GAN: variants seen among roughly 807,000 people sequenced by gnomAD.
GAN encodes epididymis secretory sperm binding protein.
A neutral mutation model predicts 71.3 loss-of-function variants in GAN; 48 were observed. That is an observed-to-expected ratio of 0.67 (90% CI 0.53 to 0.86). GAN has a LOEUF of 0.86. GAN is among the 40% of genes least tolerant of loss of function. The pLI is 0.00. For missense variants in GAN, 928 were observed against 770.1 expected, an observed-to-expected ratio of 1.21 and a Z score of -2.43; for synonymous variants, 386 against 276.8, an observed-to-expected ratio of 1.39 and a Z score of -3.92.
At chr16:81,375,913 T>C (rs892194410) in intron 9 of GAN, among the ~76,000 whole-genome samples, 1 of 149,050 alleles carries the variant, frequency 6.7e-6, no homozygotes, top group East Asian at 2.0e-4. Flanking sequence ...GAGACTGCAG[T>C]GAGCTGTGAT....
At chr16:81,364,660 G>C (rs1910789353) in intron 7 of GAN, among the ~76,000 whole-genome samples, 1 of 152,132 alleles carries the variant, frequency 6.6e-6, no homozygotes, top group Non-Finnish European at 1.5e-5. Context: ...CTGCACTCCA[G>C]CCAAGGCAAC....
intron 8 of GAN, 96 bp downstream of exon 8, chr16:81,365,206 T>G: frequency 1.3e-6 from 2 of 1,560,384 alleles, no homozygotes; most frequent in Non-Finnish European, 8.8e-7. Flanking sequence ...TCTTTCAGAG[T>G]AACCTTTTCT....
chr16:81,380,232 A>G lies in GAN; in HGVS notation c.*2636A>G, dbSNP rs924208912. On this transcript the variant is annotated 3_prime_UTR_variant, in exon 11 of 11. Coordinates refer to ENST00000648994, the MANE Select transcript of GAN (RefSeq NM_022041.4). The stretch of plus-strand genomic sequence containing the variant: ...TTATGCCTTGAAACATCATTTCTTG[A>G]TAACTTTTTGATACTTCTTTCTTGA... 3.9e-5 allele frequency: 6 copies of G among 152,590 alleles called. No homozygotes were observed. 9.5% of individuals were successfully genotyped at this position (152,590 alleles called of 1,614,324 possible).
At chr16:81,359,071 G>A (rs908438615) in intron 5 of GAN, among the ~76,000 whole-genome samples, 27 of 152,190 alleles carry the variant, frequency 1.8e-4, no homozygotes, top group Admixed American at 1.6e-3. Flanking sequence ...TAGTATAGAA[G>A]TGGAGTCATT....
chr16:81,369,363 G>T (rs310028), intron 9 of GAN, among the ~76,000 whole-genome samples: 1 of 152,156 alleles, frequency 6.6e-6, no homozygotes, highest in Non-Finnish European at 1.5e-5. Flanking sequence ...ATGCCACCAT[G>T]AAAGAGTAGA....
At chr16:81,374,735 C>T (rs1417480931) in intron 9 of GAN, among the ~76,000 whole-genome samples, 2 of 152,210 alleles carry the variant, frequency 1.3e-5, no homozygotes, top group South Asian at 2.1e-4. Flanking sequence ...CTATCTGGCA[C>T]GACAGGATGC....
intron 5 of GAN, among the ~76,000 whole-genome samples, chr16:81,360,795 T>C (rs1002291698): frequency 2.0e-5 from 3 of 152,226 alleles, no homozygotes; most frequent in African/African-American, 7.2e-5. Flanking sequence ...TTGAAAAAAA[T>C]CATCTTTCTG....
chr16:81,383,232 G>A lies in GAN; in HGVS notation c.*5636G>A, dbSNP rs1162246616. ...TATAATTATTTAGTCAGAAATGACT[G>A]TTGCCCTCTCTTTTTTTTTTTTTTT... On this transcript the variant is annotated 3_prime_UTR_variant, in exon 11 of 11. Coordinates refer to ENST00000648994, the MANE Select transcript of GAN (RefSeq NM_022041.4). 1 of 135,574 alleles carries A rather than the reference G, an allele frequency of 7.4e-6. No homozygotes were observed. The highest frequency in any genetic ancestry group is 1.6e-5 in the Non-Finnish European group (1 of 63,552). 8.4% of individuals were successfully genotyped at this position (135,574 alleles called of 1,614,324 possible). A position where few individuals can be genotyped will look rare whatever the true frequency, so the allele number is the denominator to read the frequency against.
chr16:81,362,601 C>G lies in GAN; in HGVS notation c.1076C>G (p.Pro359Arg). 1 of 1,515,998 alleles carries G rather than the reference C, an allele frequency of 6.6e-7. No individual in the cohort carries two copies. Among genetic ancestry groups the G allele is most frequent in the Non-Finnish European group, 9.2e-7 (1 of 1,090,334 alleles). 93.9% of individuals were successfully genotyped at this position (1,515,998 alleles called of 1,614,324 possible). Residue 359 changes from proline to arginine, a missense_variant, in exon 6 of 11, where the codon CCT becomes CGT. By Grantham distance (103) the Pro-to-Arg change is moderately radical. Transcript: ENST00000648994. ...GCAAATACATGGACAGCATTGCCAC[C>G]TATGAACGAGGTAAAACACTAGTTG... ...PDANTWTALP[P>R]MNEARHNFGI...
At chr16:81,377,130 T>C (rs1904284134) in intron 9 of GAN, 89 bp from the exon 10 acceptor site, 9 of 841,364 alleles carry the variant, frequency 1.1e-5, no homozygotes, top group Admixed American at 1.7e-5. Flanking sequence ...ATACTGCTGA[T>C]GACTCACCAA....
chr16:81,358,003 A>G (rs1910548732), intron 5 of GAN, 72 bp downstream of exon 5: 1 of 1,264,008 alleles, frequency 7.9e-7, no homozygotes. Flanking sequence ...TTACAGAATG[A>G]CTCAGAGCCT....
chr16:81,363,907 C>T lies in GAN; in HGVS notation c.1200C>T (p.Thr400=), dbSNP rs751948548. Reference sequence around the variant, plus strand: ...AGTGTTACGATATTTATTCTAAAACCTGGACAAAGCAACCTGATTTGACCA... The same window carrying T: ...AGTGTTACGATATTTATTCTAAAACTTGGACAAAGCAACCTGATTTGACCA... The part of the protein sequence containing the change: ...SMECYDIYSK[T]WTKQPDLTMV... Residue 400 remains threonine, a synonymous_variant, in exon 7 of 11, where the codon ACC becomes ACT. Coordinates refer to ENST00000648994, the MANE Select transcript of GAN (RefSeq NM_022041.4). 1.9e-6 allele frequency: 3 copies of T among 1,613,462 alleles called. No individual in the cohort carries two copies. Among genetic ancestry groups the T allele is most frequent in the South Asian group, 2.2e-5 (2 of 91,060 alleles).
chr16:81,358,768 A>G (rs1168830506), intron 5 of GAN, among the ~76,000 whole-genome samples: 1 of 152,206 alleles, frequency 6.6e-6, no homozygotes, highest in Non-Finnish European at 1.5e-5. Flanking sequence ...AGGAGCTGAT[A>G]GAAAAGATAG....
At chr16:81,325,374 A>G (rs1909351219) in intron 1 of GAN, among the ~76,000 whole-genome samples, 1 of 152,204 alleles carries the variant, frequency 6.6e-6, no homozygotes, top group Non-Finnish European at 1.5e-5. Flanking sequence ...AGGGGACAGC[A>G]GGGCCATTGA....
At chr16:81,335,826 T>C (rs2150674928) in intron 1 of GAN, among the ~76,000 whole-genome samples, 1 of 149,582 alleles carries the variant, frequency 6.7e-6, no homozygotes, top group Non-Finnish European at 1.5e-5. Context: ...TTTTGGTGAG[T>C]AAAAACCGTA....
At chr16:81,372,644 T>C (rs1911073105) in intron 9 of GAN, among the ~76,000 whole-genome samples, 1 of 152,202 alleles carries the variant, frequency 6.6e-6, no homozygotes, top group Non-Finnish European at 1.5e-5. Flanking sequence ...CAAAACCTGG[T>C]AGATCATCTA....
chr16:81,315,310 G>A (rs781473926), intron 1 of GAN, 30 bp downstream of exon 1: 7 of 1,473,818 alleles, frequency 4.7e-6, no homozygotes, highest in Non-Finnish European at 6.3e-6. Flanking sequence ...GGGCGGGCGC[G>A]GCGGTGCTGC....
rs1166279894 is a variant in GAN at position 81,357,864 on chromosome 16, C to G, written c.906C>G (p.Asn302Lys). ...MRCMCPLYDP[N>K]RQLWIELAPL... ...GCATGTGCCCTCTCTATGACCCTAA[C>G]AGGCAGCTTTGGATCGAACTGGCCC... Residue 302 changes from asparagine (N) to lysine (K), a missense_variant, in exon 5 of 11, where the codon AAC becomes AAG. Coordinates refer to ENST00000648994, the MANE Select transcript of GAN (RefSeq NM_022041.4). 2.5e-6 allele frequency: 4 copies of G among 1,613,228 alleles called. No individual in the cohort carries two copies.
intron 9 of GAN, among the ~76,000 whole-genome samples, chr16:81,376,083 A>G (rs1319496901): frequency 6.6e-6 from 1 of 152,192 alleles, no homozygotes; most frequent in Non-Finnish European, 1.5e-5. Flanking sequence ...AAAATTAAAA[A>G]TATAATACTC....
Sources: allele counts gnomAD v4.1 joint callset (sites outside exome capture counted in the v4.1 genomes callset), GRCh38; gene constraint gnomAD v4.1.1; transcripts MANE v1.5; gene names NCBI Gene and HGNC (gene_info 2026-07-23, HGNC 2026-07-21).